RGS20: variants seen among roughly 807,000 people sequenced by gnomAD.
RGS20 encodes regulator of G protein signaling 20, also known as gz-selective GTPase-activating protein.
A neutral mutation model predicts 33.6 loss-of-function variants in RGS20; 30 were observed. The observed-to-expected ratio is 0.89, with a 90% confidence interval of 0.67 to 1.21. RGS20 has a LOEUF of 1.21. RGS20 is among the 50% of genes most tolerant of loss of function. RGS20 has a pLI of 0.00. For missense variants in RGS20, 472 were observed against 502.4 expected (o/e 0.94, Z 0.58); for synonymous variants, 208 against 197.9 (o/e 1.05, Z -0.43).
intron 2 of RGS20, among the ~76,000 whole-genome samples, chr8:53,886,849 G>A (rs992324345): frequency 6.6e-6 from 1 of 152,198 alleles, no homozygotes; most frequent in African/African-American, 2.4e-5. Context: ...TTATACAGCT[G>A]TTGAATTTTT....
intron 1 of RGS20, among the ~76,000 whole-genome samples, chr8:53,868,861 T>A (rs1055325070): frequency 2.6e-4 from 40 of 152,112 alleles, no homozygotes; most frequent in African/African-American, 9.4e-4. Flanking sequence ...CAAGCAATTA[T>A]TCTGCCTCAG....
At chr8:53,907,849 G>A (rs1384595424) in intron 2 of RGS20, among the ~76,000 whole-genome samples, 2 of 152,208 alleles carry the variant, frequency 1.3e-5, no homozygotes, top group African/African-American at 2.4e-5. Flanking sequence ...ACCGGCTACC[G>A]TGTCTAAGGG....
intron 2 of RGS20, 37 bp from the exon 1 acceptor site, chr8:53,880,835 C>G: frequency 7.3e-7 from 1 of 1,375,454 alleles, no homozygotes; most frequent in South Asian, 1.5e-5. Context: ...TGGGATTGCC[C>G]GGCCGGGTAA....
chr8:53,941,142 G>A (rs913472901), intron 3 of RGS20, among the ~76,000 whole-genome samples: 11 of 152,158 alleles, frequency 7.2e-5, no homozygotes, highest in Admixed American at 2.0e-4. Flanking sequence ...GCTAGAGGGC[G>A]GGTCAGGTCC....
intron 2 of RGS20, among the ~76,000 whole-genome samples, chr8:53,885,592 C>T (rs1421238828): frequency 6.6e-6 from 1 of 151,542 alleles, no homozygotes; most frequent in African/African-American, 2.4e-5. Context: ...CCAGTCTGGG[C>T]GACAGAGGGA....
chr8:53,939,286 C>T (rs1400331033), intron 2 of RGS20, among the ~76,000 whole-genome samples: 1 of 152,144 alleles, frequency 6.6e-6, no homozygotes, highest in Non-Finnish European at 1.5e-5. Flanking sequence ...GTCTTCAGTG[C>T]GTGTGTCTCT....
chr8:53,955,209 T>C (rs73589273), intron 5 of RGS20, among the ~76,000 whole-genome samples: 24,504 of 151,176 alleles, frequency 0.16, 5,614 homozygotes, highest in African/African-American at 0.52. Flanking sequence ...GACTGTGGAC[T>C]TGCAGAGGGC....
At chr8:53,920,177 A>G (rs1302558890) in intron 2 of RGS20, among the ~76,000 whole-genome samples, 1 of 152,168 alleles carries the variant, frequency 6.6e-6, no homozygotes, top group Non-Finnish European at 1.5e-5. Flanking sequence ...GCCCAGACCT[A>G]TTTAGATATT....
intron 2 of RGS20, among the ~76,000 whole-genome samples, chr8:53,931,843 G>C (rs1813974779): frequency 1.3e-5 from 2 of 152,090 alleles, no homozygotes; most frequent in South Asian, 4.1e-4. Context: ...ATGAGAAACT[G>C]TGCCATAAGG....
At chr8:53,861,965 T>G (rs1811817544) in intron 1 of RGS20, among the ~76,000 whole-genome samples, 1 of 152,114 alleles carries the variant, frequency 6.6e-6, no homozygotes, top group South Asian at 2.1e-4. Flanking sequence ...GAGTCCAAGC[T>G]TTGGGGGGGC....
intron 3 of RGS20, among the ~76,000 whole-genome samples, chr8:53,941,729 C>T (rs1221647411): frequency 6.6e-6 from 1 of 152,080 alleles, no homozygotes; most frequent in Non-Finnish European, 1.5e-5. Flanking sequence ...CTTACCAACA[C>T]GTGATAAAAG....
At chr8:53,944,078 T>TAA (rs34523377) in intron 3 of RGS20, among the ~76,000 whole-genome samples, 21 of 151,470 alleles carry the variant, frequency 1.4e-4, no homozygotes, top group South Asian at 1.0e-3. Flanking sequence ...TTTTATAAAA[T>TAA]AGTGTTAAGA....
intron 2 of RGS20, chr8:53,879,943 A>C: frequency 7.3e-6 from 2 of 273,850 alleles, no homozygotes; most frequent in Non-Finnish European, 1.4e-5. Context: ...AGCCTCCCCC[A>C]AACGCGCCTC....
chr8:53,958,505 T>C lies in RGS20; in HGVS notation c.*47T>C, dbSNP rs1186630677. ...ATTAATAAAATAATAAAAGAATTCA[T>C]GGGCTACAACTAGCACAGGGAATTT... On this transcript the variant is annotated 3_prime_UTR_variant, in exon 6 of 6. Coordinates refer to ENST00000297313, the MANE Select transcript of RGS20 (RefSeq NM_170587.4). The C allele has an allele frequency of 5.4e-6, 6 of 1,101,460 alleles. No individual in the cohort carries two copies. The highest frequency in any genetic ancestry group is 6.0e-6 in the Non-Finnish European group (5 of 833,140). 68.2% of individuals were successfully genotyped at this position (1,101,460 alleles called of 1,614,324 possible).
chr8:53,926,053 A>T (rs975522941), intron 2 of RGS20, among the ~76,000 whole-genome samples: 5 of 152,084 alleles, frequency 3.3e-5, no homozygotes, highest in Admixed American at 3.3e-4. Flanking sequence ...ATGAAAAAAA[A>T]TTGTTAATTA....
intron 2 of RGS20, among the ~76,000 whole-genome samples, chr8:53,902,989 G>A (rs777649078): frequency 2.6e-5 from 4 of 152,176 alleles, no homozygotes; most frequent in Non-Finnish European, 5.9e-5. Context: ...ACCTCCCAAA[G>A]TGCTGGGATC....
At position 53,911,587 on chromosome 8, in the gene RGS20, A is replaced by C. The variant is rs375660119; in HGVS notation, c.511-27989A>C. 4.7e-4 allele frequency among the ~76,000 whole-genome samples: 72 copies of C among 152,320 alleles called. 1 individual carries two copies. Among genetic ancestry groups the C allele is most frequent in the African/African-American group, 1.7e-3 (70 of 41,578 alleles). On this transcript the variant is annotated intron_variant, in intron 2 of 5. Coordinates refer to ENST00000297313, the MANE Select transcript of RGS20 (RefSeq NM_170587.4). ...TAGTCATATGGTAGTAGAAGATCCT[A>C]AACTACGTAGAAAAAATCGAAAAGG...
intron 2 of RGS20, among the ~76,000 whole-genome samples, chr8:53,917,477 C>G (rs1813522929): frequency 6.6e-6 from 1 of 152,088 alleles, no homozygotes; most frequent in African/African-American, 2.4e-5. Flanking sequence ...TGTTATTTTC[C>G]CATCATTATC....
intron 3 of RGS20, among the ~76,000 whole-genome samples, chr8:53,942,627 A>G (rs1013178788): frequency 2.0e-5 from 3 of 152,166 alleles, no homozygotes; most frequent in Non-Finnish European, 4.4e-5. Context: ...GGATGAATAT[A>G]TTGTGGTATA....
Sources: gnomAD v4.1 joint callset for allele counts (sites outside exome capture counted in the v4.1 genomes callset) on GRCh38, gnomAD v4.1.1 for gene constraint, MANE v1.5 for transcripts, NCBI Gene and HGNC (gene_info 2026-07-23, HGNC 2026-07-21) for gene names.